Variants in MIX23 observed in about 807,000 individuals in gnomAD.
MIX23 encodes the protein protein MIX23.
A neutral mutation model predicts 21.6 loss-of-function variants in MIX23; 13 were observed. The observed-to-expected ratio is 0.60, with a 90% CI of 0.39 to 0.96. The LOEUF (loss-of-function observed/expected upper bound fraction) is 0.96, where lower values mean the gene tolerates loss of function less well. Among genes scored for constraint, MIX23 ranks in the 40% least tolerant of loss-of-function variants. The pLI, the probability that MIX23 is intolerant of heterozygous loss-of-function variation, is 0.00. For synonymous variants in MIX23, 59 were observed against 58.0 expected, an observed-to-expected ratio of 1.02 and a Z score of -0.08; for missense variants, 144 against 171.2, an observed-to-expected ratio of 0.84 and a Z score of 0.89.
chr3:122,362,350 G>A (rs1463268479), intron 4 of MIX23, among the ~76,000 whole-genome samples: 1 of 152,200 alleles, frequency 6.6e-6, no homozygotes, highest in Non-Finnish European at 1.5e-5. Flanking sequence ...TGAAGGTTCT[G>A]AGTAGTAACT....
chr3:122,375,350 T>A (rs146765627), intron 1 of MIX23, among the ~76,000 whole-genome samples: 3 of 152,298 alleles, frequency 2.0e-5, no homozygotes, highest in Non-Finnish European at 2.9e-5. Context: ...AGGAAGAGAC[T>A]TGGAAAGAGT....
At chr3:122,367,333 C>A (rs2075404184) in intron 3 of MIX23, among the ~76,000 whole-genome samples, 1 of 152,016 alleles carries the variant, frequency 6.6e-6, no homozygotes, top group African/African-American at 2.4e-5. Context: ...CCTAAGAGTC[C>A]CCTCAAAAGA....
chr3:122,368,360 G>T, intron 2 of MIX23, 38 bp from the exon 3 acceptor site: 2 of 1,517,016 alleles, frequency 1.3e-6, no homozygotes, highest in Non-Finnish European at 1.8e-6. Flanking sequence ...AAAAAAAACT[G>T]CATAAATTTA....
chr3:122,375,375 T>C (rs934296030), intron 1 of MIX23, among the ~76,000 whole-genome samples: 1 of 151,930 alleles, frequency 6.6e-6, no homozygotes, highest in Non-Finnish European at 1.5e-5. Context: ...ACATCAAGAG[T>C]TGTATTCTGA....
rs529336339 is a variant in MIX23, at chr3:122,363,817, C to A, written c.325-790G>T. 2.0e-5 allele frequency among the ~76,000 whole-genome samples: 3 copies of A among 148,730 alleles called. No individual in the cohort carries two copies. In the South Asian group the frequency reaches 6.2e-4, roughly 31 times the overall value. On this transcript the variant is annotated intron_variant, in intron 3 of 4. Coordinates refer to ENST00000291458, the MANE Select transcript of MIX23 (RefSeq NM_001017928.4). ...TACTCCAACAGAAAAGTAGCCAATTCCATTGCCAGGCCCTGAGAGCAGGAC... is the reference window on the plus strand; with the variant it reads ...TACTCCAACAGAAAAGTAGCCAATTACATTGCCAGGCCCTGAGAGCAGGAC...
At chr3:122,371,615 T>G in intron 2 of MIX23, 60 bp downstream of exon 2, 1 of 1,575,782 alleles carries the variant, frequency 6.3e-7, no homozygotes, top group Non-Finnish European at 8.7e-7. Flanking sequence ...ATAACTGATT[T>G]CTTATTCAGC....
chr3:122,381,198 T>C (rs1420995034), intron 1 of MIX23, among the ~76,000 whole-genome samples: 1 of 152,220 alleles, frequency 6.6e-6, no homozygotes, highest in East Asian at 1.9e-4. Flanking sequence ...TTCTACATTT[T>C]ATAGCCCTAC....
intron 4 of MIX23, 107 bp downstream of exon 4, chr3:122,362,861 T>C (rs2075368761): frequency 3.1e-6 from 2 of 648,102 alleles, no homozygotes; most frequent in South Asian, 1.8e-5. Context: ...GAGTGATCTC[T>C]ACTTTCCTTA....
intron 1 of MIX23, among the ~76,000 whole-genome samples, chr3:122,374,588 G>C (rs770785825): frequency 6.6e-6 from 1 of 152,164 alleles, no homozygotes; most frequent in Non-Finnish European, 1.5e-5. Context: ...CAGTATGGAT[G>C]CAACTTTTTT....
At chr3:122,368,007 TAACTA>T (rs1045817186) in intron 3 of MIX23, 164 bp downstream of exon 3, 82 of 615,070 alleles carry the variant, frequency 1.3e-4, no homozygotes, top group African/African-American at 1.1e-3. Flanking sequence ...TACCAATTAA[TAACTA>T]AACATAATAA....
Position 122,359,899 on chromosome 3 carries a change from T to G in MIX23, c.405A>C (p.Arg135=). ...CATTCTTTGGAGGCTTGAAGTGAAT[T>G]CGGCAGCGTTCATTAAACACCTAAA... ...RSWKVFNERC[R]IHFKPPKNE is the part of the protein sequence containing the mutation. Residue 135 remains arginine (R), a synonymous_variant, in exon 5 of 5, where the codon CGA becomes CGC. Coordinates refer to ENST00000291458, the MANE Select transcript of MIX23 (RefSeq NM_001017928.4). 1.3e-6 allele frequency: 2 copies of G among 1,570,018 alleles called. No homozygotes were observed. The highest frequency in any genetic ancestry group is 1.7e-6 in the Non-Finnish European group (2 of 1,163,430).
intron 1 of MIX23, among the ~76,000 whole-genome samples, chr3:122,372,656 T>A (rs1252603298): frequency 6.6e-6 from 1 of 151,774 alleles, no homozygotes; most frequent in East Asian, 1.9e-4. Flanking sequence ...TGAGACCCTG[T>A]CTCTACAAAA....
chr3:122,360,100 G>A (rs990702398), intron 4 of MIX23, among the ~76,000 whole-genome samples, 181 bp from the exon 5 acceptor site: 3 of 152,120 alleles, frequency 2.0e-5, no homozygotes, highest in African/African-American at 7.2e-5. Flanking sequence ...CAAATGCACA[G>A]AAGGCCTTGA....
chr3:122,372,135 T>A (rs2075446107), intron 1 of MIX23, among the ~76,000 whole-genome samples: 1 of 138,686 alleles, frequency 7.2e-6, no homozygotes, highest in African/African-American at 2.8e-5. Context: ...ATACAGCCAA[T>A]AAAGTGTACT....
intron 1 of MIX23, among the ~76,000 whole-genome samples, chr3:122,376,133 A>AGCCT (rs2075484915): frequency 7.7e-6 from 1 of 130,164 alleles, no homozygotes. Flanking sequence ...ACTGCATTCC[A>AGCCT]GCCTGCCTGG....
intron 1 of MIX23, among the ~76,000 whole-genome samples, chr3:122,381,442 T>C (rs1017512041): frequency 1.3e-5 from 2 of 152,184 alleles, no homozygotes; most frequent in African/African-American, 4.8e-5. Context: ...GAGGAAGAGA[T>C]AGGCTGGGCG....
chr3:122,372,797 CT>C (rs2075452399), intron 1 of MIX23, among the ~76,000 whole-genome samples: 1 of 152,068 alleles, frequency 6.6e-6, no homozygotes, highest in South Asian at 2.1e-4. Flanking sequence ...CACCACTGTA[CT>C]CCTGCCTGGG....
chr3:122,366,503 T>C (rs2075397797), intron 3 of MIX23: 1 of 152,194 alleles, frequency 6.6e-6, no homozygotes, highest in East Asian at 1.9e-4. Flanking sequence ...TTTCTACTAA[T>C]AGTTTTCAAT....
intron 2 of MIX23, among the ~76,000 whole-genome samples, chr3:122,369,159 CA>C (rs2075419242): frequency 6.6e-6 from 1 of 152,120 alleles, no homozygotes; most frequent in African/African-American, 2.4e-5. Flanking sequence ...CTCTATTGTT[CA>C]GTATTGATTT....
Sources: allele counts gnomAD v4.1 joint callset (sites outside exome capture counted in the v4.1 genomes callset), GRCh38; gene constraint gnomAD v4.1.1; transcripts MANE v1.5; gene names NCBI Gene and HGNC (gene_info 2026-07-23, HGNC 2026-07-21).